The following PCDHA1 variants were observed in gnomAD, a reference collection of about 807,000 sequenced individuals.
PCDHA1 encodes the protein protocadherin alpha-1.
Under a neutral mutation model 61.3 loss-of-function variants are expected in PCDHA1, and 42 were observed. That is an observed-to-expected ratio of 0.69 (90% CI 0.54 to 0.89). PCDHA1 has a LOEUF of 0.89. PCDHA1 is among the 40% of genes least tolerant of loss of function. The pLI is 0.00. For synonymous variants in PCDHA1, 610 were observed against 553.8 expected (o/e 1.10, Z -1.43); for missense variants, 1,256 against 1,235.3 (o/e 1.02, Z -0.25).
intron 1 of PCDHA1, among the ~76,000 whole-genome samples, chr5:140,798,277 C>A (rs974843305): frequency 1.3e-5 from 2 of 152,172 alleles, no homozygotes; most frequent in African/African-American, 4.8e-5. Flanking sequence ...TTAGGAATAA[C>A]TGCTAATCTT....
intron 1 of PCDHA1, chr5:140,834,401 A>T (rs2150216637): frequency 1.9e-6 from 3 of 1,606,010 alleles, no homozygotes; most frequent in South Asian, 1.1e-5. Context: ...GCCCGAATGG[A>T]TACGACCCAG....
At chr5:140,828,399 G>A in intron 1 of PCDHA1, 1 of 1,614,300 alleles carries the variant, frequency 6.2e-7, no homozygotes, top group Non-Finnish European at 8.5e-7. Flanking sequence ...GCGGAGTGCA[G>A]CATCCACCTG....
chr5:140,868,900 G>A (rs2050728202), intron 1 of PCDHA1: 1 of 811,546 alleles, frequency 1.2e-6, no homozygotes, highest in Non-Finnish European at 1.9e-6. Flanking sequence ...GCAAGGTGTC[G>A]CTCTTTACTT....
Position 140,807,950 on chromosome 5 carries a change from G to C in PCDHA1, c.2394+19266G>C, listed in dbSNP as rs201004244. ...TTATAAGGTGAGATTACTAGAAAATGTTCCTAATGGAACATTGGTAATTAA... is the reference window on the plus strand; with the variant it reads ...TTATAAGGTGAGATTACTAGAAAATCTTCCTAATGGAACATTGGTAATTAA... On this transcript the variant is annotated intron_variant, in intron 1 of 3. Coordinates refer to ENST00000504120, the MANE Select transcript of PCDHA1 (RefSeq NM_018900.4). The C allele has an allele frequency of 1.9e-4, 306 of 1,614,074 alleles. 1 individual carries two copies. In the South Asian group the frequency reaches 1.9e-3, roughly 10 times the overall value.
chr5:141,001,381 A>G (rs1213919091), intron 3 of PCDHA1, among the ~76,000 whole-genome samples: 1 of 152,218 alleles, frequency 6.6e-6, no homozygotes, highest in Non-Finnish European at 1.5e-5. Context: ...TACAGAGCCT[A>G]AGATCCTACA....
Position 140,788,239 on chromosome 5 carries a change from T to C in PCDHA1, c.1949T>C (p.Leu650Pro). ...ADLSRYRLLV[L>P]VKDHGEPALT... ...TTGTCGCGCTACCGCCTTCTGGTGC[T>C]AGTGAAGGATCACGGTGAGCCGGCG... The change falls in exon 1 of 4, where the codon CTA becomes CCA. Residue 650 changes from leucine to proline, a missense_variant. Leu to Pro is a moderately conservative substitution (Grantham distance 98, BLOSUM62 -3). Coordinates refer to ENST00000504120, the MANE Select transcript of PCDHA1 (RefSeq NM_018900.4). The C allele has an allele frequency of 1.2e-6, 2 of 1,614,010 alleles. No homozygotes were observed. Among genetic ancestry groups the C allele is most frequent in the Non-Finnish European group, 1.7e-6 (2 of 1,179,932 alleles).
At chr5:140,851,696 A>G (rs1174127809) in intron 1 of PCDHA1, 1 of 941,376 alleles carries the variant, frequency 1.1e-6, no homozygotes, top group African/African-American at 1.8e-5. Context: ...TGATAAAATG[A>G]TCAGCCATGT....
chr5:140,871,925 T>C (rs1554165953), intron 1 of PCDHA1, among the ~76,000 whole-genome samples: 1 of 152,244 alleles, frequency 6.6e-6, no homozygotes, highest in African/African-American at 2.4e-5. Flanking sequence ...TTCCACATTG[T>C]TAGATCAACT....
chr5:140,834,777 G>A (rs2150226372), intron 1 of PCDHA1: 1 of 1,613,920 alleles, frequency 6.2e-7, no homozygotes, highest in Admixed American at 1.7e-5. Flanking sequence ...CAACCCTCCG[G>A]TGTTCCCAGC....
At chr5:140,834,318 A>T in intron 1 of PCDHA1, 1 of 1,413,328 alleles carries the variant, frequency 7.1e-7, no homozygotes, top group South Asian at 1.4e-5. Context: ...AAATGAAGGG[A>T]TAAAAACATT....
At chr5:140,996,431 T>C (rs1294673547) in intron 3 of PCDHA1, among the ~76,000 whole-genome samples, 1 of 152,182 alleles carries the variant, frequency 6.6e-6, no homozygotes, top group African/African-American at 2.4e-5. Flanking sequence ...ACTTTGGGAA[T>C]AGTCAGTGTC....
intron 1 of PCDHA1, chr5:140,829,542 C>A: frequency 6.2e-7 from 1 of 1,612,968 alleles, no homozygotes; most frequent in South Asian, 1.1e-5. Context: ...GACGCGGACG[C>A]GCAGGAGAAC....
chr5:140,956,597 C>T (rs1015881961), intron 1 of PCDHA1, among the ~76,000 whole-genome samples: 1 of 152,054 alleles, frequency 6.6e-6, no homozygotes, highest in African/African-American at 2.4e-5. Flanking sequence ...TCAGGGATAT[C>T]AGCTGGAAGT....
chr5:140,857,289 G>A lies in PCDHA1; in HGVS notation c.2394+68605G>A, dbSNP rs782361309. The A allele has an allele frequency of 3.8e-6, 6 of 1,598,692 alleles. No homozygotes were observed. In the South Asian group the frequency reaches 4.4e-5, roughly 12 times the overall value. ...TTGGTGCTGGACAGCGCTCTGGACC[G>A]CGAGAGGGTGTCGGCCTATGAGCTG... On this transcript the variant is annotated intron_variant, in intron 1 of 3. Coordinates refer to ENST00000504120, the MANE Select transcript of PCDHA1 (RefSeq NM_018900.4).
At chr5:140,828,950 G>A (rs2150161338) in intron 1 of PCDHA1, 72 of 1,614,042 alleles carry the variant, frequency 4.5e-5, no homozygotes, top group Admixed American at 1.5e-4. Context: ...CCTTGTTGCA[G>A]CCATGGTTAT....
chr5:140,907,997 T>G (rs1352895327), intron 1 of PCDHA1, among the ~76,000 whole-genome samples: 1 of 152,186 alleles, frequency 6.6e-6, no homozygotes, highest in East Asian at 1.9e-4. Flanking sequence ...TCCTTAACCA[T>G]CCAGCCAAAC....
rs1562687946 is a variant in PCDHA1 at position 140,874,243 on chromosome 5, TG to T, written c.2394+85561del. ...GTAGGAATGAATGGCAACAAATTAT[TG>T]GTTTAAAGATTTTGACTTGAGTATT... On this transcript the variant is annotated intron_variant, in intron 1 of 3. Coordinates refer to ENST00000504120, the MANE Select transcript of PCDHA1 (RefSeq NM_018900.4). 2.0e-5 allele frequency among the ~76,000 whole-genome samples: 3 copies of T among 152,230 alleles called. No homozygotes were observed. In the South Asian group the frequency reaches 6.2e-4, roughly 32 times the overall value.
chr5:140,872,902 C>G lies in PCDHA1; in HGVS notation c.2394+84218C>G, dbSNP rs78252676. ...TCATTCATCTCACTTTGTAACTGCT[C>G]TATCTTGTAATGCCTTATCTCTAAT... On this transcript the variant is annotated intron_variant, in intron 1 of 3. Coordinates refer to ENST00000504120, the MANE Select transcript of PCDHA1 (RefSeq NM_018900.4). Among the ~76,000 whole-genome samples, 460 of 152,278 alleles carry G rather than the reference C, an allele frequency of 3.0e-3. 1 individual carries two copies. The highest frequency in any genetic ancestry group is 9.4e-3 in the Admixed American group (143 of 15,288).
rs2150255881 is a variant in PCDHA1, at chr5:140,836,226, G to T, written c.2394+47542G>T. 193 of 1,613,826 alleles carry T rather than the reference G, an allele frequency of 1.2e-4. 3 individuals carry two copies. The East Asian group carries it at 3.9e-3, about 32-fold the overall frequency. ...GCTTTCGTATGAGTTGCAACCGGTG[G>T]CGGCCGGTGCGAGCATCCCGTTCCG... On this transcript the variant is annotated intron_variant, in intron 1 of 3. Transcript: ENST00000504120.
Sources: gnomAD v4.1 joint callset for allele counts (sites outside exome capture counted in the v4.1 genomes callset) on GRCh38, gnomAD v4.1.1 for gene constraint, MANE v1.5 for transcripts, NCBI Gene and HGNC (gene_info 2026-07-23, HGNC 2026-07-21) for gene names.